HLTF: variants seen among roughly 807,000 people sequenced by gnomAD.
The protein encoded by HLTF is helicase like transcription factor.
In HLTF, 127 loss-of-function variants were observed where a neutral mutation model predicts 129.4. The ratio of observed to expected loss-of-function variants is 0.98; its 90% CI spans 0.85 to 1.14. The LOEUF is 1.14. HLTF is among the 50% of genes most tolerant of loss of function. HLTF has a pLI of 0.00. For synonymous variants in HLTF, 332 were observed against 388.8 expected (o/e 0.85, Z 1.72); for missense variants, 1,139 against 1,187.1 (o/e 0.96, Z 0.60).
chr3:149,039,679 C>CA lies in HLTF; in HGVS notation c.2516dup (p.Met839IlefsTer6), dbSNP rs1308454152. ...TCTTTCTTAAGTCAGTCAATGCGTG[C>CA]ATTAGCGCATTAATCTGCAAAAAAT... On this transcript the variant is annotated frameshift_variant, in exon 22 of 25. Transcript: ENST00000310053. LOFTEE classifies it high-confidence loss of function. 2 of 1,576,140 alleles carry CA rather than the reference C, an allele frequency of 1.3e-6. No individual in the cohort carries two copies. Among genetic ancestry groups the CA allele is most frequent in the Non-Finnish European group, 1.7e-6 (2 of 1,159,912 alleles).
Position 149,059,728 on chromosome 3 carries a change from C to T in HLTF, c.1365G>A (p.Met455Ile), listed in dbSNP as rs1717761458. ...TSSVPTTKKKMLKKGACAVEG... is the reference protein window; with the variant it reads ...TSSVPTTKKKILKKGACAVEG... ...AGGATATTTACTGACCCTTTTTCAA[C>T]ATTTTCTTTTTTGTTGTAGGAACAG... The change falls in exon 13 of 25, where the codon ATG becomes ATA. Residue 455 changes from methionine (M) to isoleucine (I), a missense_variant. Coordinates refer to ENST00000310053, the MANE Select transcript of HLTF (RefSeq NM_003071.4). 2 of 1,586,658 alleles carry T rather than the reference C, an allele frequency of 1.3e-6. No homozygotes were observed. The highest frequency in any genetic ancestry group is 1.8e-5 in the Admixed American group (1 of 55,892).
intron 8 of HLTF, among the ~76,000 whole-genome samples, chr3:149,067,299 A>G (rs1427740446): frequency 6.6e-6 from 1 of 152,100 alleles, no homozygotes; most frequent in African/African-American, 2.4e-5. Flanking sequence ...GAATGGACTT[A>G]AAACACACAT....
At chr3:149,038,125 T>C (rs188405481) in intron 23 of HLTF, among the ~76,000 whole-genome samples, 1 of 152,322 alleles carries the variant, frequency 6.6e-6, no homozygotes, top group East Asian at 1.9e-4. Context: ...CTGGGTCTAA[T>C]CCTAGAACTC....
chr3:149,068,512 G>A (rs1718590835), intron 7 of HLTF, among the ~76,000 whole-genome samples, 177 bp from the exon 8 acceptor site: 1 of 152,056 alleles, frequency 6.6e-6, no homozygotes, highest in Non-Finnish European at 1.5e-5. Flanking sequence ...TTCCCCCACT[G>A]CATTATTAGG....
intron 17 of HLTF, among the ~76,000 whole-genome samples, chr3:149,046,865 A>G (rs1409624091): frequency 1.3e-5 from 2 of 152,180 alleles, no homozygotes; most frequent in Non-Finnish European, 2.9e-5. Flanking sequence ...TTTTTTCCCA[A>G]CATTGAAATA....
At chr3:149,083,532 T>C (rs1363674592) in intron 2 of HLTF, 1 of 151,824 alleles carries the variant, frequency 6.6e-6, no homozygotes, top group Non-Finnish European at 1.5e-5. Context: ...TTTTGAAAAA[T>C]TAGCACAAAT....
rs550653080 is a variant in HLTF at position 149,048,930 on chromosome 3, T to C, written c.1689A>G (p.Arg563=). The C allele has an allele frequency of 3.1e-6, 5 of 1,612,140 alleles. No homozygotes were observed. The African/African-American group carries it at 6.7e-5, about 21-fold the overall frequency. Reference sequence around the variant, plus strand: ...CTTTTGTCTGCTGAGCATTTGGATTTCGTATGGCATGTCCTTCATCCAGGA... The same window carrying C: ...CTTTTGTCTGCTGAGCATTTGGATTCCGTATGGCATGTCCTTCATCCAGGA... ...RVILDEGHAI[R]NPNAQQTKAV... Residue 563 remains arginine (R), a synonymous_variant, in exon 16 of 25, where the codon CGA becomes CGG. Coordinates refer to ENST00000310053, the MANE Select transcript of HLTF (RefSeq NM_003071.4).
At position 149,064,874 on chromosome 3, in the gene HLTF, A is replaced by T. The variant is rs1375409079; in HGVS notation, c.991-8T>A. ...ATCGTTAACATTATATTCCTGGGTAAATAGGCATATTTCTTAAACAGTACT... is the reference window on the plus strand; with the variant it reads ...ATCGTTAACATTATATTCCTGGGTATATAGGCATATTTCTTAAACAGTACT... On this transcript the variant is annotated splice_polypyrimidine_tract_variant and splice_region_variant and intron_variant, in intron 8 of 24. Coordinates refer to ENST00000310053, the MANE Select transcript of HLTF (RefSeq NM_003071.4). The T allele has an allele frequency of 3.9e-6, 6 of 1,523,032 alleles. No homozygotes were observed. The highest frequency in any genetic ancestry group is 5.5e-6 in the Non-Finnish European group (6 of 1,098,972). 94.3% of individuals were successfully genotyped at this position (1,523,032 alleles called of 1,614,324 possible).
intron 7 of HLTF, among the ~76,000 whole-genome samples, chr3:149,069,809 T>C (rs1201419671): frequency 1.3e-5 from 2 of 152,202 alleles, no homozygotes; most frequent in African/African-American, 4.8e-5. Flanking sequence ...TTGTCAATGA[T>C]AAAATGTGAG....
intron 10 of HLTF, among the ~76,000 whole-genome samples, chr3:149,061,814 C>T (rs1181768872): frequency 1.4e-5 from 2 of 142,270 alleles, no homozygotes; most frequent in East Asian, 2.0e-4. Flanking sequence ...CCAGCCTGGG[C>T]GACAGGAGCA....
intron 4 of HLTF, 34 bp from the exon 5 acceptor site, chr3:149,073,356 C>A: frequency 7.0e-7 from 1 of 1,423,860 alleles, no homozygotes; most frequent in South Asian, 1.2e-5. Context: ...ATAAAGCCAT[C>A]AAATAAAGTA....
intron 2 of HLTF, among the ~76,000 whole-genome samples, chr3:149,080,089 A>C (rs1719742038): frequency 6.6e-6 from 1 of 152,188 alleles, no homozygotes; most frequent in Non-Finnish European, 1.5e-5. Flanking sequence ...GGCCAGACCC[A>C]AATGCCACAT....
At chr3:149,073,398 A>G (rs558219547) in intron 4 of HLTF, 76 bp from the exon 5 acceptor site, 1 of 1,033,446 alleles carries the variant, frequency 9.7e-7, no homozygotes, top group African/African-American at 1.6e-5. Flanking sequence ...AGCTTTTAAA[A>G]TATGCATTAA....
chr3:149,046,256 A>G lies in HLTF; in HGVS notation c.1896T>C (p.Arg632=). The change falls in exon 18 of 25, where the codon CGT becomes CGC. Residue 632 remains arginine (R), a synonymous_variant. Coordinates refer to ENST00000310053, the MANE Select transcript of HLTF (RefSeq NM_003071.4). The part of the protein sequence containing the change: ...VTMGDEGGLR[R]LQSLIKNITL... ...TAATATTTTTAATTAGGGACTGTAA[A>G]CGCCTAATCAGAATAAAACAAATAA... 1 of 1,488,008 alleles carries G rather than the reference A, an allele frequency of 6.7e-7. No individual in the cohort carries two copies. Among genetic ancestry groups the G allele is most frequent in the Non-Finnish European group, 9.2e-7 (1 of 1,086,156 alleles). The allele number at this position is 1,488,008 out of a possible 1,614,324, so 92.2% of individuals were successfully genotyped here.
At position 149,046,065 on chromosome 3, in the gene HLTF, T is replaced by C; in HGVS notation, c.2072+15A>G. On this transcript the variant is annotated intron_variant, in intron 18 of 24. Transcript: ENST00000310053. ...AACAAAAACTAATTTTTAACATGGTTTTCTTTCTCCATACCTTCCAATAGT... is the reference window on the plus strand; with the variant it reads ...AACAAAAACTAATTTTTAACATGGTCTTCTTTCTCCATACCTTCCAATAGT... 6.3e-7 allele frequency: 1 copy of C among 1,577,254 alleles called. No homozygotes were observed.
At chr3:149,070,711 A>G (rs71304448) in intron 7 of HLTF, among the ~76,000 whole-genome samples, 4,037 of 152,330 alleles carry the variant, frequency 0.027, 66 homozygotes, top group South Asian at 0.052. Context: ...AAGAAAACCT[A>G]TGAAAGACAG....
chr3:149,063,956 A>C (rs1718155721), intron 9 of HLTF, among the ~76,000 whole-genome samples: 1 of 152,144 alleles, frequency 6.6e-6, no homozygotes, highest in South Asian at 2.1e-4. Context: ...TCCATACCAG[A>C]ATGATCCATA....
At position 149,086,506 on chromosome 3, in the gene HLTF, T is replaced by A. The variant is rs571038431; in HGVS notation, c.-170A>T. ...AAGTCGCCGCGAGTCCAGTCAGACG[T>A]CGACGCCGTCTCCTTCTGCAACAAT... On this transcript the variant is annotated 5_prime_UTR_variant, in exon 1 of 25. Transcript: ENST00000310053. 3.0e-6 allele frequency: 2 copies of A among 664,248 alleles called. No homozygotes were observed. Among genetic ancestry groups the A allele is most frequent in the South Asian group, 3.7e-5 (2 of 53,372 alleles). The allele number at this position is 664,248 out of a possible 1,614,324, so 41.1% of individuals were successfully genotyped here. A position where few individuals can be genotyped will look rare whatever the true frequency, so the allele number is the denominator to read the frequency against.
At chr3:149,067,575 T>C (rs914349619) in intron 8 of HLTF, among the ~76,000 whole-genome samples, 3 of 152,078 alleles carry the variant, frequency 2.0e-5, no homozygotes, top group Admixed American at 6.6e-5. Context: ...CAATCATAGC[T>C]GACCATAGGC....
Sources: gnomAD v4.1 joint callset for allele counts (sites outside exome capture counted in the v4.1 genomes callset) on GRCh38, gnomAD v4.1.1 for gene constraint, MANE v1.5 for transcripts, NCBI Gene and HGNC (gene_info 2026-07-23, HGNC 2026-07-21) for gene names.